The following CDH18 variants were observed in gnomAD, a reference collection of about 807,000 sequenced individuals.
The protein encoded by CDH18 is cadherin-18.
Under a neutral mutation model 67.9 loss-of-function variants are expected in CDH18, and 31 were observed. The observed-to-expected ratio is 0.46, with a 90% CI of 0.34 to 0.62. CDH18 has a LOEUF of 0.62. Among genes scored for constraint, CDH18 ranks in the 20% least tolerant of loss-of-function variants. The probability of loss-of-function intolerance (pLI) is 0.01; values close to 1 mark genes in which losing one functional copy is unlikely to be tolerated. For missense variants in CDH18, 890 were observed against 975.5 expected (o/e 0.91, Z 1.17); for synonymous variants, 362 against 347.2 (o/e 1.04, Z -0.48).
chr5:19,739,903 A>G (rs1768875399), intron 4 of CDH18, among the ~76,000 whole-genome samples: 1 of 152,198 alleles, frequency 6.6e-6, no homozygotes, highest in Admixed American at 6.5e-5. Flanking sequence ...TAAAGTCAGC[A>G]CAGCTGGTGT....
chr5:20,098,695 A>C (rs1020600824), intron 2 of CDH18, among the ~76,000 whole-genome samples: 2 of 152,124 alleles, frequency 1.3e-5, no homozygotes, highest in Non-Finnish European at 2.9e-5. Context: ...AATATACTAC[A>C]CAGTAATAAT....
At chr5:19,577,140 A>G (rs184231630) in intron 7 of CDH18, among the ~76,000 whole-genome samples, 10 of 152,296 alleles carry the variant, frequency 6.6e-5, no homozygotes, top group African/African-American at 1.9e-4. Flanking sequence ...ACAATGTTAC[A>G]GTTAGGTAGG....
chr5:20,177,823 T>C (rs1737360709), intron 2 of CDH18, among the ~76,000 whole-genome samples: 1 of 152,066 alleles, frequency 6.6e-6, no homozygotes, highest in South Asian at 2.1e-4. Flanking sequence ...GGGAAACCCA[T>C]TTTGCTTGGC....
intron 2 of CDH18, among the ~76,000 whole-genome samples, chr5:20,143,596 T>C (rs1300474155): frequency 1.3e-5 from 2 of 152,136 alleles, no homozygotes; most frequent in Non-Finnish European, 2.9e-5. Flanking sequence ...CTGGAATGCC[T>C]ATTCTCAAGA....
At chr5:19,800,318 T>C (rs1036470890) in intron 3 of CDH18, among the ~76,000 whole-genome samples, 2 of 152,168 alleles carry the variant, frequency 1.3e-5, no homozygotes, top group Non-Finnish European at 2.9e-5. Flanking sequence ...AACCAGAGCA[T>C]TTAGCACGTA....
chr5:20,146,034 G>A (rs910791136), intron 2 of CDH18, among the ~76,000 whole-genome samples: 1 of 152,116 alleles, frequency 6.6e-6, no homozygotes, highest in African/African-American at 2.4e-5. Context: ...TAACCTTGTT[G>A]CATTTCCTCA....
intron 1 of CDH18, among the ~76,000 whole-genome samples, chr5:20,468,671 A>G (rs1266705567): frequency 2.6e-5 from 4 of 152,248 alleles, no homozygotes; most frequent in African/African-American, 7.2e-5. Context: ...ATGTAAAACC[A>G]TGATTTCATA....
intron 1 of CDH18, among the ~76,000 whole-genome samples, chr5:20,415,383 C>A (rs1260331872): frequency 1.3e-5 from 2 of 151,678 alleles, no homozygotes; most frequent in African/African-American, 4.8e-5. Flanking sequence ...AAATTAAAAC[C>A]AGATGAATGA....
At position 19,492,068 on chromosome 5, in the gene CDH18, CA is replaced by C. The variant is rs140715308; in HGVS notation, c.1631-8517del. On this transcript the variant is annotated intron_variant, in intron 11 of 12. Transcript: ENST00000382275. ...GTAGATATTCCTGATAGCAAATCAT[CA>C]AAAAAAAATAAGCATTTTCAAATGT... is the stretch of plus-strand genomic sequence containing the variant. Among the ~76,000 whole-genome samples, 1,379 of 149,866 alleles carry C rather than the reference CA, an allele frequency of 9.2e-3. 9 individuals carry two copies. Among genetic ancestry groups the C allele is most frequent in the African/African-American group, 0.023 (942 of 41,006 alleles).
At chr5:20,521,023 C>A (rs1370967268) in intron 1 of CDH18, among the ~76,000 whole-genome samples, 1 of 151,908 alleles carries the variant, frequency 6.6e-6, no homozygotes, top group African/African-American at 2.4e-5. Flanking sequence ...ACTATATCCA[C>A]CTGGAGAAAA....
At chr5:20,118,206 T>A (rs891186840) in intron 2 of CDH18, among the ~76,000 whole-genome samples, 2 of 152,150 alleles carry the variant, frequency 1.3e-5, no homozygotes, top group African/African-American at 4.8e-5. Flanking sequence ...AATGGTAACT[T>A]TTTTTAAAGA....
chr5:20,268,325 A>C (rs1284698961), intron 1 of CDH18, among the ~76,000 whole-genome samples: 1 of 152,182 alleles, frequency 6.6e-6, no homozygotes, highest in Non-Finnish European at 1.5e-5. Context: ...TTCTAGATAT[A>C]AGATCAAATC....
chr5:19,643,707 G>A (rs1754350459), intron 5 of CDH18, among the ~76,000 whole-genome samples: 1 of 152,218 alleles, frequency 6.6e-6, no homozygotes, highest in Admixed American at 6.5e-5. Context: ...GAAGATGTTG[G>A]TCAAGGGCTA....
At chr5:19,538,459 C>T (rs1287344283) in intron 9 of CDH18, among the ~76,000 whole-genome samples, 2 of 152,148 alleles carry the variant, frequency 1.3e-5, no homozygotes, top group African/African-American at 2.4e-5. Context: ...GAGAATACAA[C>T]ACTTTCTAGG....
chr5:20,564,260 T>TTTTATTTATTCATTTA lies in CDH18; in HGVS notation c.-580+11201_-580+11202insTAAATGAATAAATAAA, dbSNP rs1554020095. Among the ~76,000 whole-genome samples, 9 of 141,596 alleles carry TTTTATTTATTCATTTA rather than the reference T, an allele frequency of 6.4e-5. No homozygotes were observed. In the Admixed American group the frequency reaches 6.5e-4, roughly 10 times the overall value. The allele number at this position is 141,596 out of a possible 152,430, so 92.9% of individuals were successfully genotyped here. ...ATTATTTCTTGCATTATTATCACAGTTTTATTTATTTATTTATTTATTTAT... is the reference window on the plus strand; with the variant it reads ...ATTATTTCTTGCATTATTATCACAGTTTTATTTATTCATTTATTTATTTATTTATTTATTTATTTAT... On this transcript the variant is annotated intron_variant, in intron 1 of 14. Coordinates refer to the CDH18 transcript ENST00000507958.
chr5:20,108,097 T>TTTTGC (rs1561796421), intron 2 of CDH18, among the ~76,000 whole-genome samples: 1 of 152,038 alleles, frequency 6.6e-6, no homozygotes, highest in African/African-American at 2.4e-5. Flanking sequence ...TTTTGTTTTG[T>TTTTGC]TTTGAGGCAG....
intron 1 of CDH18, among the ~76,000 whole-genome samples, chr5:20,295,458 G>T (rs763543295): frequency 2.0e-5 from 3 of 152,190 alleles, no homozygotes; most frequent in Non-Finnish European, 4.4e-5. Context: ...GCCAGGCACA[G>T]TGGCTCACGC....
chr5:19,703,997 T>A (rs1172335348), intron 5 of CDH18, among the ~76,000 whole-genome samples: 1 of 152,124 alleles, frequency 6.6e-6, no homozygotes, highest in Admixed American at 6.5e-5. Context: ...TTCAAATTAT[T>A]ATATCTACTT....
At chr5:20,433,428 T>C (rs1053163341) in intron 1 of CDH18, among the ~76,000 whole-genome samples, 5 of 152,052 alleles carry the variant, frequency 3.3e-5, no homozygotes, top group Non-Finnish European at 5.9e-5. Context: ...TTGGACAATA[T>C]ACCCTGTAAA....
Sources: allele counts gnomAD v4.1 joint callset (sites outside exome capture counted in the v4.1 genomes callset), GRCh38; gene constraint gnomAD v4.1.1; transcripts MANE v1.5; gene names NCBI Gene and HGNC (gene_info 2026-07-23, HGNC 2026-07-21).